The following ADAMTS10 variants were observed in gnomAD, a reference collection of about 807,000 sequenced individuals.
ADAMTS10 encodes ADAM metallopeptidase with thrombospondin type 1 motif 10.
In ADAMTS10, 48 loss-of-function variants were observed where a neutral mutation model predicts 135.9. That is an observed-to-expected ratio of 0.35 (90% CI 0.28 to 0.45). The LOEUF (loss-of-function observed/expected upper bound fraction) is 0.45, where lower values mean the gene tolerates loss of function less well. ADAMTS10 is among the 20% of genes least tolerant of loss of function. ADAMTS10 has a pLI of 1.00. For missense variants in ADAMTS10, 1,131 were observed against 1,565.2 expected (o/e 0.72, Z 4.68); for synonymous variants, 621 against 647.5 (o/e 0.96, Z 0.62).
intron 22 of ADAMTS10, among the ~76,000 whole-genome samples, 183 bp downstream of exon 22, chr19:8,585,939 C>G (rs182014192): frequency 2.0e-5 from 3 of 152,100 alleles, no homozygotes; most frequent in African/African-American, 7.2e-5. Context: ...TTGACCGCCA[C>G]CTTGGGGGCA....
At chr19:8,609,550 G>C (rs1274944276) in intron 1 of ADAMTS10, among the ~76,000 whole-genome samples, 1 of 152,042 alleles carries the variant, frequency 6.6e-6, no homozygotes, top group African/African-American at 2.4e-5. Context: ...GCCTCCTCCC[G>C]GCTGCACATC....
Position 8,605,885 on chromosome 19 carries a change from C to T in ADAMTS10, c.-99-76G>A. 7.5e-7 allele frequency: 1 copy of T among 1,325,750 alleles called. No homozygotes were observed. The highest frequency in any genetic ancestry group is 1.0e-6 in the Non-Finnish European group (1 of 998,680). The allele number at this position is 1,325,750 out of a possible 1,614,324, so 82.1% of individuals were successfully genotyped here. ...AACCAATGCCAAGGCCAATCATGGC[C>T]AAAGCTTTTCACCTGACTCTGAAGA... On this transcript the variant is annotated intron_variant, in intron 2 of 25. Transcript: ENST00000597188. The surrounding 1 kb of genome is among the most constrained non-coding windows in gnomAD (Gnocchi z 7.7).
rs782673030 is a variant in ADAMTS10 at position 8,585,677 on chromosome 19, G to A, written c.2661-17C>T. ...ACAACCCAGCTGTAAGAGATGAAGG[G>A]GTCTGAGCAAGTAAGCAGGGCAGGG... On this transcript the variant is annotated splice_polypyrimidine_tract_variant and intron_variant, in intron 22 of 25. Transcript: ENST00000597188. 8 of 1,611,386 alleles carry A rather than the reference G, an allele frequency of 5.0e-6. No homozygotes were observed. The highest frequency in any genetic ancestry group is 1.1e-5 in the South Asian group (1 of 90,854).
At chr19:8,591,587 G>T (rs988722852) in intron 15 of ADAMTS10, among the ~76,000 whole-genome samples, 1 of 151,706 alleles carries the variant, frequency 6.6e-6, no homozygotes, top group Non-Finnish European at 1.5e-5. Context: ...GATTACAGGC[G>T]CCTGCCACCA....
intron 25 of ADAMTS10, 40 bp downstream of exon 25, chr19:8,584,855 C>A: frequency 6.5e-7 from 1 of 1,547,282 alleles, no homozygotes; most frequent in South Asian, 1.2e-5. Context: ...TGCCTCTGGC[C>A]AGGACCCTCC....
At chr19:8,597,569 C>T (rs1555740574) in intron 6 of ADAMTS10, among the ~76,000 whole-genome samples, 1 of 152,056 alleles carries the variant, frequency 6.6e-6, no homozygotes, top group East Asian at 1.9e-4. Flanking sequence ...GCTGGGATTA[C>T]AGGTGTGAGC....
At chr19:8,584,870 G>T (rs1340851507) in intron 25 of ADAMTS10, 25 bp downstream of exon 25, 1 of 1,548,140 alleles carries the variant, frequency 6.5e-7, no homozygotes, top group East Asian at 2.4e-5. Context: ...CCCTCCTGGC[G>T]CACCCTGGCT....
chr19:8,600,526 T>C (rs2042653654), intron 6 of ADAMTS10, among the ~76,000 whole-genome samples: 1 of 146,792 alleles, frequency 6.8e-6, no homozygotes, highest in African/African-American at 2.5e-5. Flanking sequence ...TTTGACAGAG[T>C]CTTGCTCTGT....
In ADAMTS10 at chr19:8,597,048, G is replaced by A; in HGVS notation, c.979C>T (p.His327Tyr). 1 of 1,614,168 alleles carries A rather than the reference G, an allele frequency of 6.2e-7. No homozygotes were observed. Among genetic ancestry groups the A allele is most frequent in the Non-Finnish European group, 8.5e-7 (1 of 1,180,038 alleles). ...CCGTTCTCTGGAATGGCATTGCCAT[G>A]GCCGCTGTGGTTCACGATGGATTTC... ...WQKSIVNHSG[H>Y]GNAIPENGVA... Residue 327 changes from histidine to tyrosine, a missense_variant, in exon 8 of 26, where the codon CAT (histidine) becomes TAT (tyrosine). This residue lies in a region of ADAMTS10 where 80 missense variants were observed against 164.4 expected (regional missense o/e 0.49). Coordinates refer to ENST00000597188, the MANE Select transcript of ADAMTS10 (RefSeq NM_030957.4).
At chr19:8,607,374 C>T (rs993069183) in intron 2 of ADAMTS10, among the ~76,000 whole-genome samples, 2 of 152,090 alleles carry the variant, frequency 1.3e-5, no homozygotes, top group Non-Finnish European at 2.9e-5. Flanking sequence ...TTTCTGACCC[C>T]GTCCTCCATT....
intron 12 of ADAMTS10, 61 bp downstream of exon 12, chr19:8,595,701 C>CCA: frequency 3.0e-6 from 4 of 1,341,852 alleles, no homozygotes; most frequent in Non-Finnish European, 4.1e-6. Context: ...GTGGAGTTCC[C>CCA]TCCCCCAGCC....
At position 8,596,242 on chromosome 19, in the gene ADAMTS10, T is replaced by C; in HGVS notation, c.1191-23A>G. The C allele has an allele frequency of 3.1e-6, 5 of 1,613,288 alleles. No individual in the cohort carries two copies. Among genetic ancestry groups the C allele is most frequent in the Non-Finnish European group, 4.2e-6 (5 of 1,180,020 alleles). On this transcript the variant is annotated intron_variant, in intron 10 of 25. Transcript: ENST00000597188. The surrounding 1 kb of genome is among the most constrained non-coding windows in gnomAD (Gnocchi z 7.2). ...AATCTGGGGAAAGGGGTGTCGGCTC[T>C]GCCGGGCGCTGAGGGACCCGCCCAG...
intron 13 of ADAMTS10, 122 bp downstream of exon 13, chr19:8,592,641 G>A (rs1600106220): frequency 4.9e-6 from 5 of 1,013,588 alleles, no homozygotes; most frequent in South Asian, 1.4e-5. Flanking sequence ...GAGCACAAAT[G>A]GCGGGCGTGG....
rs114786595 is a variant in ADAMTS10 at position 8,603,943 on chromosome 19, C to T, written c.436-59G>A. 2,297 of 1,509,930 alleles carry T rather than the reference C, an allele frequency of 1.5e-3. 25 individuals are homozygous for T. In the African/African-American group the frequency reaches 0.024, roughly 16 times the overall value. 93.5% of individuals were successfully genotyped at this position (1,509,930 alleles called of 1,614,324 possible). ...GGATCAGGTTCTGGAGCTTAGGACC[C>T]CTGGGACCTTCTCTCTGTCTTTATG... On this transcript the variant is annotated intron_variant, in intron 4 of 25. Coordinates refer to ENST00000597188, the MANE Select transcript of ADAMTS10 (RefSeq NM_030957.4).
Position 8,601,915 on chromosome 19 carries a change from T to C in ADAMTS10, c.593-770A>G, listed in dbSNP as rs1263357933. Among the ~76,000 whole-genome samples the C allele has an allele frequency of 6.6e-6, 1 of 152,194 alleles. No individual in the cohort carries two copies. Among genetic ancestry groups the C allele is most frequent in the East Asian group, 1.9e-4 (1 of 5,192 alleles). ...AACACTTGCATGACTGTCCCACAGC[T>C]AAGCTGGTTGGTTGAATCACTGTCC... is the stretch of plus-strand genomic sequence containing the variant. On this transcript the variant is annotated intron_variant, in intron 5 of 25. Coordinates refer to ENST00000597188, the MANE Select transcript of ADAMTS10 (RefSeq NM_030957.4). This position sits in a 1 kb window ranked among gnomAD's most constrained non-coding sequence, Gnocchi z 4.6.
At chr19:8,595,531 TG>T in intron 12 of ADAMTS10, 1 of 607,684 alleles carries the variant, frequency 1.6e-6, no homozygotes, top group Non-Finnish European at 2.9e-6. Context: ...ATCAGGGGTC[TG>T]GAGAAGCAGG....
rs2042609530 is a variant in ADAMTS10 at position 8,596,698 on chromosome 19, C to G, written c.1041-113G>C. On this transcript the variant is annotated intron_variant, in intron 8 of 25. Transcript: ENST00000597188. This position sits in a 1 kb window ranked among gnomAD's most constrained non-coding sequence, Gnocchi z 7.2. ...CCTGCCTTGGAGGCGCCATCTGCCT[C>G]TCACCTGAAGCTGCATACAGGAGTG... 13 of 1,352,992 alleles carry G rather than the reference C, an allele frequency of 9.6e-6. No individual in the cohort carries two copies. In the South Asian group the frequency reaches 1.2e-4, roughly 12 times the overall value. The allele number at this position is 1,352,992 out of a possible 1,614,324, so 83.8% of individuals were successfully genotyped here. A position where few individuals can be genotyped will look rare whatever the true frequency, so the allele number is the denominator to read the frequency against.
chr19:8,580,789 C>T lies in ADAMTS10; in HGVS notation c.*104G>A. On this transcript the variant is annotated 3_prime_UTR_variant, in exon 26 of 26. Transcript: ENST00000597188. ...TAAATAACTTCCGGCTCCGTCTCAC[C>T]CTTCCCTCCCAGTTCCCGCCCCCCC... The T allele has an allele frequency of 1.1e-6, 1 of 877,836 alleles. No individual in the cohort carries two copies. Among genetic ancestry groups the T allele is most frequent in the Non-Finnish European group, 1.8e-6 (1 of 558,084 alleles). 54.4% of individuals were successfully genotyped at this position (877,836 alleles called of 1,614,324 possible).
chr19:8,588,775 C>T (rs1555737958), intron 18 of ADAMTS10, among the ~76,000 whole-genome samples: 2 of 151,788 alleles, frequency 1.3e-5, no homozygotes, highest in African/African-American at 2.4e-5. Context: ...GAGACAGATT[C>T]GGGCTCCTGT....
Sources: gnomAD v4.1 joint callset for allele counts (sites outside exome capture counted in the v4.1 genomes callset) on GRCh38, gnomAD v4.1.1 for gene constraint, gnomAD v4.1.1 regional missense constraint, Gnocchi (gnomAD v3.1) non-coding constraint, MANE v1.5 for transcripts, NCBI Gene and HGNC (gene_info 2026-07-23, HGNC 2026-07-21) for gene names.